Variants in CDHR2 observed in about 807,000 individuals in gnomAD.
CDHR2 encodes the protein cadherin-related family member 2.
CDHR2 carries 104 observed loss-of-function variants against 138.6 expected under a neutral mutation model. The observed-to-expected ratio is 0.75, with a 90% CI of 0.64 to 0.88. The LOEUF is 0.88. Ranked by LOEUF, CDHR2 falls within the 40% of genes least tolerant of loss-of-function variation. The pLI is 0.00. For missense variants in CDHR2, 1,624 were observed against 1,727.6 expected, an observed-to-expected ratio of 0.94 and a Z score of 1.06; for synonymous variants, 755 against 742.8, an observed-to-expected ratio of 1.02 and a Z score of -0.27.
Position 176,589,595 on chromosome 5 carries a change from C to T in CDHR2, c.3185C>T (p.Ala1062Val), listed in dbSNP as rs1225864530. 1 of 1,614,032 alleles carries T rather than the reference C, an allele frequency of 6.2e-7. No homozygotes were observed. The highest frequency in any genetic ancestry group is 2.2e-5 in the East Asian group (1 of 44,862). Residue 1062 changes from alanine to valine, a missense_variant, in exon 24 of 32, where the codon GCC becomes GTC. By Grantham distance (64) the Ala-to-Val change is moderately conservative. Coordinates refer to ENST00000261944, the MANE Select transcript of CDHR2 (RefSeq NM_017675.6). ...TCCACACCGAAGGAGGAGGTGGGCGCCAACAGACAGGCGATTAATGCGTAG... is the reference window on the plus strand; with the variant it reads ...TCCACACCGAAGGAGGAGGTGGGCGTCAACAGACAGGCGATTAATGCGTAG... ...QFSTPKEEVG[A>V]NRQAINAALT...
At position 176,576,279 on chromosome 5, in the gene CDHR2, G is replaced by A; in HGVS notation, c.1194+94G>A. The stretch of plus-strand genomic sequence containing the variant: ...CGGTGTCATGTGGTGCTGGGTGGCG[G>A]TGCTGGTGGTGCAGGGTGTGATGGC... On this transcript the variant is annotated intron_variant, in intron 12 of 31. Coordinates refer to ENST00000261944, the MANE Select transcript of CDHR2 (RefSeq NM_017675.6). This position sits in a 1 kb window ranked among gnomAD's most constrained non-coding sequence, Gnocchi z 4.5. 3 of 974,474 alleles carry A rather than the reference G, an allele frequency of 3.1e-6. No homozygotes were observed. Among genetic ancestry groups the A allele is most frequent in the Non-Finnish European group, 4.6e-6 (3 of 649,596 alleles). The allele number at this position is 974,474 out of a possible 1,614,324, so 60.4% of individuals were successfully genotyped here.
intron 6 of CDHR2, among the ~76,000 whole-genome samples, chr5:176,572,453 T>A (rs976515282): frequency 7.9e-5 from 12 of 151,788 alleles, no homozygotes; most frequent in African/African-American, 2.9e-4. Context: ...CAGGCTCACA[T>A]TGAGGAGACC....
intron 16 of CDHR2, among the ~76,000 whole-genome samples, chr5:176,580,142 G>GCACTCACACACC (rs1561876649): frequency 6.7e-6 from 1 of 150,046 alleles, no homozygotes. Context: ...ACTCACACAC[G>GCACTCACACACC]CACTCACACA....
intron 12 of CDHR2, among the ~76,000 whole-genome samples, chr5:176,577,011 G>A (rs1052449012): frequency 3.9e-5 from 6 of 151,942 alleles, no homozygotes; most frequent in African/African-American, 9.7e-5. Flanking sequence ...GGACAGTGTC[G>A]GGTGGGGTTA....
chr5:176,580,560 AAAAAG>A (rs1015884413), intron 16 of CDHR2, among the ~76,000 whole-genome samples: 1 of 151,728 alleles, frequency 6.6e-6, no homozygotes, highest in Non-Finnish European at 1.5e-5. Flanking sequence ...AAGAAAGAAA[AAAAAG>A]AAAACAAAAC....
chr5:176,578,561 A>G lies in CDHR2; in HGVS notation c.1771A>G (p.Asn591Asp). The G allele has an allele frequency of 6.2e-7, 1 of 1,612,074 alleles. No individual in the cohort carries two copies. The highest frequency in any genetic ancestry group is 8.5e-7 in the Non-Finnish European group (1 of 1,179,982). The stretch of plus-strand genomic sequence containing the variant: ...TGCACCCGTGGTTAGCGGCTCCTAC[A>G]ACATCTTCGTCCAGGAGGAGGAGGG... ...DNAPVVSGSY[N>D]IFVQEEEGNV... Residue 591 changes from asparagine to aspartate, a missense_variant, in exon 16 of 32, where the codon AAC (asparagine) becomes GAC (aspartate). Physicochemically the swap from Asn to Asp is conservative, Grantham distance 23. This residue lies in a region of CDHR2 where 1,061 missense variants were observed against 1,136.6 expected (regional missense o/e 0.93). Transcript: ENST00000261944.
chr5:176,563,346 T>G (rs1758009753), intron 1 of CDHR2, among the ~76,000 whole-genome samples: 1 of 152,078 alleles, frequency 6.6e-6, no homozygotes, highest in Non-Finnish European at 1.5e-5. Context: ...AGACTCTGTC[T>G]CAAAACCAAA....
intron 5 of CDHR2, among the ~76,000 whole-genome samples, chr5:176,570,203 C>T (rs1175701149): frequency 2.0e-5 from 3 of 152,190 alleles, no homozygotes; most frequent in Admixed American, 6.6e-5. Flanking sequence ...TACAAATCCC[C>T]AATTTTTGTA....
chr5:176,553,601 TAC>T lies in CDHR2; in HGVS notation c.-16+4189_-16+4190del, dbSNP rs1183428427. 2.0e-5 allele frequency among the ~76,000 whole-genome samples: 3 copies of T among 152,142 alleles called. No individual in the cohort carries two copies. The highest frequency in any genetic ancestry group is 4.4e-5 in the Non-Finnish European group (3 of 68,002). ...GTGAGGAGGGAGGTAGGTTCCAGGTTACAGCCTCAGAGGGATGCCTGGGCTGG... is the reference window on the plus strand; with the variant it reads ...GTGAGGAGGGAGGTAGGTTCCAGGTTAGCCTCAGAGGGATGCCTGGGCTGG... On this transcript the variant is annotated intron_variant, in intron 1 of 31. Coordinates refer to ENST00000261944, the MANE Select transcript of CDHR2 (RefSeq NM_017675.6). The surrounding 1 kb of genome is among the most constrained non-coding windows in gnomAD (Gnocchi z 4.3).
In CDHR2 at chr5:176,577,479, C is replaced by T; in HGVS notation, c.1275C>T (p.Gly425=). 1 of 1,610,870 alleles carries T rather than the reference C, an allele frequency of 6.2e-7. No individual in the cohort carries two copies. Among genetic ancestry groups the T allele is most frequent in the Admixed American group, 1.7e-5 (1 of 59,402 alleles). The change falls in exon 13 of 32, where the codon GGC becomes GGT. Residue 425 remains glycine (G), a synonymous_variant. Coordinates refer to ENST00000261944, the MANE Select transcript of CDHR2 (RefSeq NM_017675.6). ...AFSVSPERAV[G]SASVQVLVRV... is the part of the protein sequence containing the mutation. ...GCGTCTCCCCGGAGCGGGCAGTGGG[C>T]TCAGCCTCCGTTCAGGTGCTGGTGA...
chr5:176,564,384 C>T (rs991198610), intron 1 of CDHR2, among the ~76,000 whole-genome samples: 3 of 152,314 alleles, frequency 2.0e-5, no homozygotes, highest in African/African-American at 7.2e-5. Context: ...GACAGGGTTT[C>T]ACCATGTTGG....
intron 1 of CDHR2, among the ~76,000 whole-genome samples, chr5:176,557,909 T>C (rs1314623704): frequency 6.6e-6 from 1 of 151,590 alleles, no homozygotes; most frequent in Non-Finnish European, 1.5e-5. Context: ...GGTTTTGCCA[T>C]GTTAGCCAGG....
chr5:176,587,852 A>G (rs1470972021), intron 21 of CDHR2, among the ~76,000 whole-genome samples: 2 of 152,216 alleles, frequency 1.3e-5, no homozygotes, highest in East Asian at 1.9e-4. Flanking sequence ...GTTGACGTTC[A>G]TGCTAGAGAC....
At chr5:176,571,176 C>T in intron 5 of CDHR2, 37 bp from the exon 6 acceptor site, 1 of 1,442,974 alleles carries the variant, frequency 6.9e-7, no homozygotes, top group Non-Finnish European at 9.7e-7. Flanking sequence ...GTTTTAAATC[C>T]TATTTTCTGG....
intron 21 of CDHR2, among the ~76,000 whole-genome samples, chr5:176,587,628 C>G (rs905639143): frequency 1.3e-5 from 2 of 152,000 alleles, no homozygotes; most frequent in African/African-American, 4.8e-5. Flanking sequence ...GGAGAGCTGC[C>G]TACCCTCTCT....
chr5:176,570,825 T>C (rs1162782309), intron 5 of CDHR2, among the ~76,000 whole-genome samples: 1 of 151,550 alleles, frequency 6.6e-6, no homozygotes, highest in African/African-American at 2.4e-5. Context: ...GTGGTGCATG[T>C]CTGTAATCCC....
intron 31 of CDHR2, among the ~76,000 whole-genome samples, chr5:176,594,391 G>A (rs998412828): frequency 3.9e-5 from 6 of 152,164 alleles, no homozygotes; most frequent in Admixed American, 3.3e-4. Context: ...GAATCTCTTG[G>A]TGCCCTGACT....
intron 24 of CDHR2, 106 bp downstream of exon 24, chr5:176,589,722 C>T (rs1159847253): frequency 2.1e-6 from 2 of 963,414 alleles, no homozygotes; most frequent in South Asian, 1.4e-5. Flanking sequence ...TCCTGACCCA[C>T]ATTTGACCTT....
At chr5:176,584,120 T>G in intron 17 of CDHR2, 70 bp from the exon 18 acceptor site, 1 of 1,297,602 alleles carries the variant, frequency 7.7e-7, no homozygotes, top group Non-Finnish European at 1.1e-6. Context: ...CAGGGATTAT[T>G]GGTTTCTCGG....
Sources: gnomAD v4.1 joint callset for allele counts (sites outside exome capture counted in the v4.1 genomes callset) on GRCh38, gnomAD v4.1.1 for gene constraint, gnomAD v4.1.1 regional missense constraint, Gnocchi (gnomAD v3.1) non-coding constraint, MANE v1.5 for transcripts, NCBI Gene and HGNC (gene_info 2026-07-23, HGNC 2026-07-21) for gene names.